PRG4: variants seen among roughly 807,000 people sequenced by gnomAD.
PRG4 encodes articular superficial zone protein.
In PRG4, 61 loss-of-function variants were observed where a neutral mutation model predicts 91.2. The observed-to-expected ratio is 0.67, with a 90% CI of 0.54 to 0.83. The LOEUF (loss-of-function observed/expected upper bound fraction) is 0.83, where lower values mean the gene tolerates loss of function less well. Ranked by LOEUF, PRG4 falls within the 40% of genes least tolerant of loss-of-function variation. PRG4 has a pLI of 0.00. For synonymous variants in PRG4, 576 were observed against 614.2 expected, an observed-to-expected ratio of 0.94 and a Z score of 0.92; for missense variants, 1,564 against 1,714.2, an observed-to-expected ratio of 0.91 and a Z score of 1.55.
At chr1:186,303,749 A>G (rs1656368930) in intron 4 of PRG4, among the ~76,000 whole-genome samples, 2 of 152,198 alleles carry the variant, frequency 1.3e-5, no homozygotes, top group Non-Finnish European at 2.9e-5. Flanking sequence ...TTCTGAAGGC[A>G]AAGACCTTCA....
At chr1:186,296,776 T>C in intron 1 of PRG4, 70 bp from the exon 2 acceptor site, 1 of 781,184 alleles carries the variant, frequency 1.3e-6, no homozygotes, top group East Asian at 2.6e-5. Flanking sequence ...TACTGAAATG[T>C]GTATAATGCA....
chr1:186,307,982 A>C lies in PRG4; in HGVS notation c.2263A>C (p.Lys755Gln). 1 of 1,605,774 alleles carries C rather than the reference A, an allele frequency of 6.2e-7. No individual in the cohort carries two copies. Among genetic ancestry groups the C allele is most frequent in the South Asian group, 1.1e-5 (1 of 90,644 alleles). Residue 755 changes from lysine to glutamine, a missense_variant, in exon 7 of 13, where the codon AAG becomes CAG. Physicochemically the swap from Lys to Gln is moderately conservative, Grantham distance 53. This residue lies in a region of PRG4 where 1,079 missense variants were observed against 1,162.2 expected (regional missense o/e 0.93). Transcript: ENST00000445192. ...TGACAAGCCCGCTCCAACTACCCCT[A>C]AGGGGACTGCTCCAACTACCCCTAA... ...TSDKPAPTTP[K>Q]GTAPTTPKEP...
intron 2 of PRG4, 71 bp from the exon 3 acceptor site, chr1:186,300,020 C>A: frequency 1.3e-6 from 2 of 1,567,448 alleles, no homozygotes; most frequent in Non-Finnish European, 1.8e-6. Context: ...GTGGCTTTGT[C>A]CCCCTCGTTA....
chr1:186,304,327 A>G (rs1287034661), intron 5 of PRG4, 70 bp downstream of exon 5: 36 of 1,500,984 alleles, frequency 2.4e-5, no homozygotes, highest in Non-Finnish European at 9.3e-7. Flanking sequence ...CTGCTTATCT[A>G]AGCCCATTCT....
In PRG4 at chr1:186,300,110, G is replaced by A. The variant is rs1021939143; in HGVS notation, c.96G>A (p.Gly32=). 36 of 1,613,874 alleles carry A rather than the reference G, an allele frequency of 2.2e-5. No individual in the cohort carries two copies. The highest frequency in any genetic ancestry group is 1.6e-4 in the Middle Eastern group (1 of 6,082). The change falls in exon 3 of 13, where the codon GGG becomes GGA. Residue 32 remains glycine (G), a synonymous_variant. Coordinates refer to ENST00000445192, the MANE Select transcript of PRG4 (RefSeq NM_005807.6). ...VSSQDLSSCA[G]RCGEGYSRDA... ...TTTTAGATTTATCAAGCTGTGCAGGGAGATGTGGGGAAGGGTATTCTAGAG... is the reference window on the plus strand; with the variant it reads ...TTTTAGATTTATCAAGCTGTGCAGGAAGATGTGGGGAAGGGTATTCTAGAG...
chr1:186,313,069 G>A lies in PRG4; in HGVS notation c.4117+175G>A, dbSNP rs1657403904. 6.0e-6 allele frequency: 4 copies of A among 665,280 alleles called. No individual in the cohort carries two copies. In the South Asian group the frequency reaches 7.3e-5, roughly 12 times the overall value. 41.2% of individuals were successfully genotyped at this position (665,280 alleles called of 1,614,324 possible). On this transcript the variant is annotated intron_variant, in intron 12 of 12. Coordinates refer to ENST00000445192, the MANE Select transcript of PRG4 (RefSeq NM_005807.6). Reference sequence around the variant, plus strand: ...TTGCTTTAATTTCAATTAAAATGATGGCACTGCAATTCAATTCTGCTCTAA... The same window carrying A: ...TTGCTTTAATTTCAATTAAAATGATAGCACTGCAATTCAATTCTGCTCTAA...
chr1:186,311,656 CATTT>C, intron 10 of PRG4, 60 bp downstream of exon 10: 1 of 1,505,726 alleles, frequency 6.6e-7, no homozygotes, highest in South Asian at 1.1e-5. Flanking sequence ...TCAGCATTTT[CATTT>C]ATTATTGACT....
chr1:186,310,655 G>C (rs201456216), intron 8 of PRG4, among the ~76,000 whole-genome samples: 1 of 133,176 alleles, frequency 7.5e-6, no homozygotes, highest in South Asian at 2.3e-4. Context: ...GCTAATTTTT[G>C]TATTTTTTTT....
At chr1:186,304,989 A>C in intron 6 of PRG4, 67 bp downstream of exon 6, 1 of 1,528,160 alleles carries the variant, frequency 6.5e-7, no homozygotes, top group South Asian at 1.1e-5. Flanking sequence ...ATTTAAAAGT[A>C]ATGCGTGTTG....
intron 8 of PRG4, among the ~76,000 whole-genome samples, chr1:186,310,197 A>T (rs1038227767): frequency 5.3e-5 from 8 of 152,018 alleles, no homozygotes; most frequent in Non-Finnish European, 1.2e-4. Flanking sequence ...TACCAAATGA[A>T]ATGACACCAG....
Position 186,309,883 on chromosome 1 carries a change from C to A in PRG4, c.3499+13C>A. On this transcript the variant is annotated intron_variant, in intron 8 of 12. Coordinates refer to ENST00000445192, the MANE Select transcript of PRG4 (RefSeq NM_005807.6). ...GTTGCATTCCGAGGTGAGCTATGTA[C>A]ACATTTATTTTTCTTCTCATCATTC... 6.2e-7 allele frequency: 1 copy of A among 1,605,388 alleles called. No homozygotes were observed. The highest frequency in any genetic ancestry group is 8.5e-7 in the Non-Finnish European group (1 of 1,172,230).
intron 4 of PRG4, among the ~76,000 whole-genome samples, chr1:186,302,777 T>G (rs1166062289): frequency 1.3e-5 from 2 of 152,232 alleles, no homozygotes; most frequent in Non-Finnish European, 2.9e-5. Context: ...TTGTTTTGGC[T>G]GTGAGACAAG....
chr1:186,305,068 T>C lies in PRG4; in HGVS notation c.598+146T>C, dbSNP rs1264778730. ...GAATATTATCTTAGAAAGTACCAAA[T>C]GAATACTTCCTACAGGAAATTAGTG... On this transcript the variant is annotated intron_variant, in intron 6 of 12. Coordinates refer to ENST00000445192, the MANE Select transcript of PRG4 (RefSeq NM_005807.6). The C allele has an allele frequency of 4.0e-6, 4 of 990,826 alleles. No individual in the cohort carries two copies. In the African/African-American group the frequency reaches 5.0e-5, roughly 12 times the overall value. The allele number at this position is 990,826 out of a possible 1,614,324, so 61.4% of individuals were successfully genotyped here.
chr1:186,312,646 A>G (rs1657352723), intron 11 of PRG4, 123 bp from the exon 12 acceptor site: 1 of 1,069,448 alleles, frequency 9.4e-7, no homozygotes, highest in Non-Finnish European at 1.4e-6. Context: ...ATACCAGTCT[A>G]TAACCCTCAA....
Position 186,313,731 on chromosome 1 carries a change from A to G in PRG4, c.4168A>G (p.Thr1390Ala). The G allele has an allele frequency of 2.5e-6, 4 of 1,610,476 alleles. No homozygotes were observed. The highest frequency in any genetic ancestry group is 3.4e-6 in the Non-Finnish European group (4 of 1,176,860). ...TAGTAGAACAGCAAGAGCAATTACT[A>G]CTCGTTCTGGGCAGACCTTATCCAA... ...VPSRTARAIT[T>A]RSGQTLSKVW... Residue 1390 changes from threonine to alanine, a missense_variant, in exon 13 of 13, where the codon ACT becomes GCT. Physicochemically the swap from Thr to Ala is moderately conservative, Grantham distance 58. Transcript: ENST00000445192.
chr1:186,297,449 T>C (rs1248542018), intron 2 of PRG4, among the ~76,000 whole-genome samples: 1 of 152,238 alleles, frequency 6.6e-6, no homozygotes, highest in African/African-American at 2.4e-5. Flanking sequence ...GAAAATGTTC[T>C]CTTTTTCTTA....
intron 6 of PRG4, among the ~76,000 whole-genome samples, 154 bp from the exon 7 acceptor site, chr1:186,306,160 TTGAG>T (rs1256915368): frequency 2.6e-5 from 4 of 152,210 alleles, no homozygotes; most frequent in East Asian, 1.9e-4. Context: ...ATAAGATAGG[TTGAG>T]TATTTGCCAT....
chr1:186,309,307 G>T (rs974312585), intron 7 of PRG4, among the ~76,000 whole-genome samples, 167 bp downstream of exon 7: 10 of 152,168 alleles, frequency 6.6e-5, no homozygotes, highest in African/African-American at 9.7e-5. Context: ...TGTAATTACA[G>T]TAAGCTTTTT....
chr1:186,314,240 T>A lies in PRG4; in HGVS notation c.*462T>A. ...AAAGTTATATTGGAAAACATGGAAATATTAAAATTTTACACTTTTACTAGC... is the reference window on the plus strand; with the variant it reads ...AAAGTTATATTGGAAAACATGGAAAAATTAAAATTTTACACTTTTACTAGC... On this transcript the variant is annotated 3_prime_UTR_variant, in exon 13 of 13. Transcript: ENST00000445192. 8.1e-6 allele frequency: 4 copies of A among 493,424 alleles called. No homozygotes were observed. The South Asian group carries it at 1.3e-4, about 16-fold the overall frequency. 30.6% of individuals were successfully genotyped at this position (493,424 alleles called of 1,614,324 possible).
Sources: gnomAD v4.1 joint callset for allele counts (sites outside exome capture counted in the v4.1 genomes callset) on GRCh38, gnomAD v4.1.1 for gene constraint, gnomAD v4.1.1 regional missense constraint, MANE v1.5 for transcripts, NCBI Gene and HGNC (gene_info 2026-07-23, HGNC 2026-07-21) for gene names.